WWOX: variants seen among roughly 807,000 people sequenced by gnomAD.
WWOX encodes the protein WW domain containing oxidoreductase.
WWOX carries 69 observed loss-of-function variants against 46.2 expected under a neutral mutation model. That is an observed-to-expected ratio of 1.49 (90% CI 1.23 to 1.82). WWOX has a LOEUF of 1.82. Among genes scored for constraint, WWOX ranks in the 40% most tolerant of loss-of-function variants. WWOX has a pLI of 0.00. For synonymous variants in WWOX, 359 were observed against 202.6 expected (o/e 1.77, Z -6.56); for missense variants, 919 against 542.6 (o/e 1.69, Z -6.89).
At chr16:79,154,252 C>G (rs942274165) in intron 8 of WWOX, among the ~76,000 whole-genome samples, 1 of 152,178 alleles carries the variant, frequency 6.6e-6, no homozygotes, top group African/African-American at 2.4e-5. Flanking sequence ...GTCCTCTGCC[C>G]TGGACACCGG....
chr16:78,649,401 T>C (rs1296649272), intron 8 of WWOX, among the ~76,000 whole-genome samples: 1 of 152,116 alleles, frequency 6.6e-6, no homozygotes, highest in Non-Finnish European at 1.5e-5. Context: ...TTCCCACCTC[T>C]GCCACTTGAA....
intron 5 of WWOX, among the ~76,000 whole-genome samples, chr16:78,210,336 T>C (rs1023852693): frequency 3.3e-5 from 5 of 152,150 alleles, no homozygotes; most frequent in Non-Finnish European, 7.4e-5. Flanking sequence ...CCACTGAGGA[T>C]TTTTAATGCC....
chr16:78,472,479 G>C (rs960409552), intron 8 of WWOX, among the ~76,000 whole-genome samples: 1 of 152,056 alleles, frequency 6.6e-6, no homozygotes, highest in African/African-American at 2.4e-5. Flanking sequence ...AAGTATACTT[G>C]ATTTGAAATA....
chr16:78,530,180 C>A (rs938723094), intron 8 of WWOX, among the ~76,000 whole-genome samples: 6 of 152,200 alleles, frequency 3.9e-5, no homozygotes, highest in Non-Finnish European at 8.8e-5. Flanking sequence ...CAGGGGATGC[C>A]CGTGACCCCT....
chr16:78,426,586 G>A (rs1464480483), intron 7 of WWOX, among the ~76,000 whole-genome samples: 2 of 152,178 alleles, frequency 1.3e-5, no homozygotes, highest in Non-Finnish European at 2.9e-5. Context: ...CCTGAAATGT[G>A]TTGTCAGGCT....
chr16:78,206,967 A>G (rs757476140), intron 5 of WWOX, among the ~76,000 whole-genome samples: 13 of 152,318 alleles, frequency 8.5e-5, no homozygotes, highest in Non-Finnish European at 1.9e-4. Flanking sequence ...TTTAATCTGC[A>G]TAGTGTTTCA....
Position 78,346,254 on chromosome 16 carries a change from C to G in WWOX, c.517-40606C>G, listed in dbSNP as rs1394039729. On this transcript the variant is annotated intron_variant, in intron 5 of 8. Coordinates refer to ENST00000566780, the MANE Select transcript of WWOX (RefSeq NM_016373.4). Reference sequence around the variant, plus strand: ...AGTACTCCATTGTGTGGAGAAATCACATTGTTTTAAAAATACCTAATTACC... The same window carrying G: ...AGTACTCCATTGTGTGGAGAAATCAGATTGTTTTAAAAATACCTAATTACC... Among the ~76,000 whole-genome samples the G allele has an allele frequency of 2.5e-5, 3 of 121,768 alleles. 1 individual carries two copies. Among genetic ancestry groups the G allele is most frequent in the Non-Finnish European group, 5.9e-5 (3 of 50,860 alleles). The allele number at this position is 121,768 out of a possible 152,430, so 79.9% of individuals were successfully genotyped here. A position where few individuals can be genotyped will look rare whatever the true frequency, so the allele number is the denominator to read the frequency against.
chr16:78,501,968 T>A (rs1296892473), intron 8 of WWOX, among the ~76,000 whole-genome samples: 1 of 152,148 alleles, frequency 6.6e-6, no homozygotes, highest in Non-Finnish European at 1.5e-5. Flanking sequence ...AGAGTTAACG[T>A]AGAAGGTTTC....
At chr16:78,288,267 CTTT>C (rs201333228) in intron 5 of WWOX, among the ~76,000 whole-genome samples, 23 of 124,586 alleles carry the variant, frequency 1.8e-4, no homozygotes, top group South Asian at 2.6e-4. Flanking sequence ...TATGAGTTTA[CTTT>C]TTTTTTTTTT....
At position 78,318,701 on chromosome 16, in the gene WWOX, C is replaced by T. The variant is rs115267286; in HGVS notation, c.517-68159C>T. On this transcript the variant is annotated intron_variant, in intron 5 of 8. Coordinates refer to ENST00000566780, the MANE Select transcript of WWOX (RefSeq NM_016373.4). ...AGTGCTTTTAGCTGTACTGTACATACATAATTTCTGTAAGTACTGGCTATT... is the reference window on the plus strand; with the variant it reads ...AGTGCTTTTAGCTGTACTGTACATATATAATTTCTGTAAGTACTGGCTATT... Among the ~76,000 whole-genome samples the T allele has an allele frequency of 9.8e-3, 1,492 of 152,254 alleles. 34 individuals carry two copies. Among genetic ancestry groups the T allele is most frequent in the African/African-American group, 0.035 (1,434 of 41,542 alleles).
chr16:78,619,225 A>C (rs565737807), intron 8 of WWOX, among the ~76,000 whole-genome samples: 2 of 97,364 alleles, frequency 2.1e-5, no homozygotes, highest in Admixed American at 1.2e-4. Flanking sequence ...GTAGCCATGC[A>C]TGGGGGCCTG....
intron 8 of WWOX, among the ~76,000 whole-genome samples, chr16:78,436,662 C>T (rs1296994794): frequency 6.6e-6 from 1 of 152,156 alleles, no homozygotes; most frequent in Non-Finnish European, 1.5e-5. Context: ...GCGCTCTGAG[C>T]TTGCTTGTCA....
chr16:78,668,586 G>C (rs1340898031), intron 8 of WWOX, among the ~76,000 whole-genome samples: 1 of 152,174 alleles, frequency 6.6e-6, no homozygotes, highest in Admixed American at 6.5e-5. Flanking sequence ...AAGAGAGGTA[G>C]GTGAGAGACA....
At chr16:78,773,264 C>G (rs2050108992) in intron 8 of WWOX, among the ~76,000 whole-genome samples, 1 of 152,000 alleles carries the variant, frequency 6.6e-6, no homozygotes, top group Non-Finnish European at 1.5e-5. Flanking sequence ...GATTCCACAC[C>G]CCATGTTCCT....
intron 5 of WWOX, among the ~76,000 whole-genome samples, chr16:78,216,342 C>T (rs1383561412): frequency 6.6e-6 from 1 of 152,184 alleles, no homozygotes; most frequent in African/African-American, 2.4e-5. Context: ...GGATGCGTTA[C>T]AGCCATTGTT....
intron 8 of WWOX, among the ~76,000 whole-genome samples, chr16:78,832,440 A>T (rs2051856589): frequency 6.6e-6 from 1 of 152,150 alleles, no homozygotes; most frequent in Admixed American, 6.5e-5. Flanking sequence ...ACTAGTAAAG[A>T]CCATAGTTAG....
chr16:78,242,969 C>T (rs553730898), intron 5 of WWOX, among the ~76,000 whole-genome samples: 153 of 152,218 alleles, frequency 1.0e-3, no homozygotes, highest in African/African-American at 3.6e-3. Flanking sequence ...GATCGCACCA[C>T]TGCACTCCAG....
chr16:78,527,890 G>A (rs2043515586), intron 8 of WWOX, among the ~76,000 whole-genome samples: 1 of 151,594 alleles, frequency 6.6e-6, no homozygotes, highest in Admixed American at 6.6e-5. Context: ...GCAGTGCAAA[G>A]GACCATGCCC....
chr16:79,102,228 A>G (rs2049215117), intron 8 of WWOX, among the ~76,000 whole-genome samples: 1 of 152,148 alleles, frequency 6.6e-6, no homozygotes, highest in African/African-American at 2.4e-5. Context: ...GCCTATAAAC[A>G]TAAAATTAAA....
Sources: allele counts gnomAD v4.1 joint callset (sites outside exome capture counted in the v4.1 genomes callset), GRCh38; gene constraint gnomAD v4.1.1; transcripts MANE v1.5; gene names NCBI Gene and HGNC (gene_info 2026-07-23, HGNC 2026-07-21).